GRIN2A: variants seen among roughly 807,000 people sequenced by gnomAD.
GRIN2A encodes glutamate receptor ionotropic, NMDA 2A.
A neutral mutation model predicts 113.4 loss-of-function variants in GRIN2A; 22 were observed. The ratio of observed to expected loss-of-function variants is 0.19; its 90% CI spans 0.14 to 0.28. The LOEUF (loss-of-function observed/expected upper bound fraction) is 0.28, where lower values mean the gene tolerates loss of function less well. GRIN2A is among the 10% of genes least tolerant of loss of function. The pLI is 1.00. For missense variants in GRIN2A, 1,502 were observed against 1,887.0 expected, an observed-to-expected ratio of 0.80 and a Z score of 3.78; for synonymous variants, 827 against 738.4, an observed-to-expected ratio of 1.12 and a Z score of -1.94.
intron 10 of GRIN2A, among the ~76,000 whole-genome samples, chr16:9,819,478 C>T (rs1037922710): frequency 6.7e-6 from 1 of 150,098 alleles, no homozygotes; most frequent in African/African-American, 2.5e-5. Flanking sequence ...GCTATGATTA[C>T]ACTACTGTAC....
chr16:9,938,586 G>T, intron 2 of GRIN2A, 35 bp from the exon 3 acceptor site: 1 of 1,501,316 alleles, frequency 6.7e-7, no homozygotes, highest in Non-Finnish European at 9.2e-7. Flanking sequence ...AGAGGATGAG[G>T]CAGGAGGTGG....
At chr16:9,897,740 C>T (rs760358392) in intron 3 of GRIN2A, among the ~76,000 whole-genome samples, 14 of 152,122 alleles carry the variant, frequency 9.2e-5, no homozygotes, top group Non-Finnish European at 1.9e-4. Flanking sequence ...ATTTAAGTTA[C>T]ATGTGACTTG....
chr16:9,954,618 G>T (rs2045262846), intron 2 of GRIN2A, among the ~76,000 whole-genome samples: 1 of 152,162 alleles, frequency 6.6e-6, no homozygotes, highest in African/African-American at 2.4e-5. Context: ...TGATTAGACA[G>T]TCCTGGCATA....
chr16:10,146,670 T>A (rs973558574), intron 2 of GRIN2A, among the ~76,000 whole-genome samples: 13 of 152,006 alleles, frequency 8.6e-5, no homozygotes, highest in African/African-American at 3.1e-4. Context: ...CATCTTTGAG[T>A]CTCTGGCAAG....
At chr16:9,975,916 G>A (rs1352270616) in intron 2 of GRIN2A, among the ~76,000 whole-genome samples, 1 of 152,040 alleles carries the variant, frequency 6.6e-6, no homozygotes, top group East Asian at 1.9e-4. Context: ...TTCCCGGAGG[G>A]GCATTTCATA....
chr16:10,096,559 C>CACACACACACAT (rs1555478924), intron 2 of GRIN2A, among the ~76,000 whole-genome samples: 7 of 151,578 alleles, frequency 4.6e-5, no homozygotes, highest in South Asian at 4.2e-4. Context: ...CACACACACA[C>CACACACACACAT]ACACACACAC....
intron 2 of GRIN2A, among the ~76,000 whole-genome samples, chr16:10,147,454 A>C (rs58585975): frequency 1.0e-5 from 1 of 100,446 alleles, no homozygotes; most frequent in Non-Finnish European, 2.2e-5. Context: ...TACTAAAAAT[A>C]CAAAAAAAAA....
chr16:10,115,104 C>T (rs572411532), intron 2 of GRIN2A, among the ~76,000 whole-genome samples: 3 of 152,202 alleles, frequency 2.0e-5, no homozygotes, highest in South Asian at 4.1e-4. Flanking sequence ...AAATGTGCTG[C>T]TTTCAATGCT....
intron 2 of GRIN2A, among the ~76,000 whole-genome samples, chr16:10,159,957 A>G (rs2049778081): frequency 6.6e-6 from 1 of 152,166 alleles, no homozygotes; most frequent in African/African-American, 2.4e-5. Context: ...GCCGCAAGTC[A>G]AGGAATGCAG....
At chr16:10,161,345 T>C (rs1238890196) in intron 2 of GRIN2A, among the ~76,000 whole-genome samples, 1 of 152,242 alleles carries the variant, frequency 6.6e-6, no homozygotes, top group African/African-American at 2.4e-5. Flanking sequence ...ATTAAACCTT[T>C]TTCCTTTATA....
intron 4 of GRIN2A, among the ~76,000 whole-genome samples, chr16:9,858,226 G>C (rs151117028): frequency 1.3e-5 from 2 of 152,246 alleles, no homozygotes; most frequent in African/African-American, 4.8e-5. Context: ...AGAGAAGAAA[G>C]CAATAAAGTG....
chr16:9,920,757 G>C (rs1310410282), intron 3 of GRIN2A, among the ~76,000 whole-genome samples: 1 of 151,830 alleles, frequency 6.6e-6, no homozygotes, highest in Non-Finnish European at 1.5e-5. Flanking sequence ...TAGTAGATGG[G>C]GTTTCACCAT....
chr16:9,780,538 G>A (rs1299348271), intron 11 of GRIN2A, among the ~76,000 whole-genome samples: 1 of 152,270 alleles, frequency 6.6e-6, no homozygotes, highest in Non-Finnish European at 1.5e-5. Flanking sequence ...ATGGAGGACA[G>A]AATGTTGATT....
intron 2 of GRIN2A, chr16:10,179,545 T>C (rs912679637): frequency 5.5e-6 from 1 of 180,904 alleles, no homozygotes; most frequent in Non-Finnish European, 1.2e-5. Context: ...TTTTTAGAAA[T>C]AGTTTTAGTC....
In GRIN2A at chr16:9,764,374, G is replaced by C. The variant is rs780595948; in HGVS notation, c.3170C>G (p.Ala1057Gly). 1 of 1,614,142 alleles carries C rather than the reference G, an allele frequency of 6.2e-7. No individual in the cohort carries two copies. The highest frequency in any genetic ancestry group is 8.5e-7 in the Non-Finnish European group (1 of 1,180,008). Residue 1057 changes from alanine (A) to glycine (G), a missense_variant, in exon 13 of 13, where the codon GCC becomes GGC. Ala to Gly is a moderately conservative substitution (Grantham distance 60, BLOSUM62 0). Around this residue, in one of 7 missense-constraint regions of GRIN2A, gnomAD observed 832 missense variants for 789.7 expected, o/e 1.05. Coordinates refer to ENST00000330684, the MANE Select transcript of GRIN2A (RefSeq NM_001134407.3). ...TGACGTTTCTGAAATGTCAGAGTGG[G>C]CCATCTCTTCTGGAAGATACCTAGG... The part of the protein sequence containing the change: ...KSPRYLPEEM[A>G]HSDISETSNR...
At chr16:9,852,523 C>G (rs539632409) in intron 4 of GRIN2A, among the ~76,000 whole-genome samples, 5 of 152,286 alleles carry the variant, frequency 3.3e-5, no homozygotes, top group African/African-American at 1.2e-4. Context: ...CTTCCTAAAT[C>G]TTCTCCAAGT....
intron 2 of GRIN2A, among the ~76,000 whole-genome samples, chr16:10,039,820 A>AGAGAGAGG (rs2047116931): frequency 8.0e-6 from 1 of 125,424 alleles, no homozygotes; most frequent in East Asian, 3.0e-4. Context: ...AGAAAGAGAG[A>AGAGAGAGG]GAGAGAGAGA....
intron 2 of GRIN2A, among the ~76,000 whole-genome samples, chr16:10,119,419 T>C (rs1422374074): frequency 1.6e-5 from 1 of 60,938 alleles, no homozygotes; most frequent in Non-Finnish European, 4.1e-5. Context: ...CAGAAATCTG[T>C]TAATTCATAC....
At position 9,764,069 on chromosome 16, in the gene GRIN2A, G is replaced by A. The variant is rs1900741749; in HGVS notation, c.3475C>T (p.Arg1159Cys). ...ATTGGCAGCGTGGAGTCCCCCTTGC[G>A]GAAGTTTTCACTGGGATCCTGGTAG... ...DPYQDPSENF[R>C]KGDSTLPMNR... Residue 1159 changes from arginine to cysteine, a missense_variant, in exon 13 of 13, where the codon CGC becomes TGC. Physicochemically the swap from Arg to Cys is radical, Grantham distance 180 (BLOSUM62 -3). Transcript: ENST00000330684. 1.2e-6 allele frequency: 2 copies of A among 1,613,622 alleles called. No individual in the cohort carries two copies. Among genetic ancestry groups the A allele is most frequent in the Admixed American group, 1.7e-5 (1 of 60,002 alleles).
Sources: allele counts gnomAD v4.1 joint callset (sites outside exome capture counted in the v4.1 genomes callset), GRCh38; gene constraint gnomAD v4.1.1; regional missense constraint gnomAD v4.1.1; transcripts MANE v1.5; gene names NCBI Gene and HGNC (gene_info 2026-07-23, HGNC 2026-07-21).